Variants in TDRD5 observed in about 807,000 individuals in gnomAD.
The protein encoded by TDRD5 is tudor domain-containing protein 5.
Under a neutral mutation model 120.6 loss-of-function variants are expected in TDRD5, and 41 were observed. The observed-to-expected ratio is 0.34, with a 90% CI of 0.26 to 0.44. The LOEUF (loss-of-function observed/expected upper bound fraction) is 0.44. Ranked by LOEUF, TDRD5 falls within the 20% of genes least tolerant of loss-of-function variation. The probability of loss-of-function intolerance (pLI) is 1.00; values close to 1 mark genes in which losing one functional copy is unlikely to be tolerated. For synonymous variants in TDRD5, 430 were observed against 433.7 expected, an observed-to-expected ratio of 0.99 and a Z score of 0.11; for missense variants, 1,006 against 1,221.2, an observed-to-expected ratio of 0.82 and a Z score of 2.63.
rs1023405281 is a variant in TDRD5, at chr1:179,635,289, A to T, written c.1300-378A>T. Among the ~76,000 whole-genome samples, 3 of 152,314 alleles carry T rather than the reference A, an allele frequency of 2.0e-5. No individual in the cohort carries two copies. The South Asian group carries it at 6.2e-4, about 32-fold the overall frequency. On this transcript the variant is annotated intron_variant, in intron 8 of 17. Transcript: ENST00000444136. ...ACTAGTCTGAAATTTAACCTACTAA[A>T]GTTACCTTTGACTGCTGATATGAGT...
rs556430595 is a variant in TDRD5, at chr1:179,593,426, C to T, written c.233-34C>T. ...AGGATAAAGAAGGGAGTAAGTTTTC[C>T]TCCTAAATATGATTTCTATTTTTCA... On this transcript the variant is annotated intron_variant, in intron 2 of 17. Transcript: ENST00000444136. 4.2e-5 allele frequency: 66 copies of T among 1,589,112 alleles called. No individual in the cohort carries two copies. The South Asian group carries it at 6.9e-4, about 17-fold the overall frequency.
intron 7 of TDRD5, 84 bp from the exon 8 acceptor site, chr1:179,634,373 A>T (rs1459710397): frequency 7.1e-7 from 1 of 1,404,958 alleles, no homozygotes; most frequent in Admixed American, 2.3e-5. Flanking sequence ...TAATGGTTGT[A>T]TAGCTATTTT....
chr1:179,649,220 T>C (rs1026668275), intron 11 of TDRD5, among the ~76,000 whole-genome samples: 1 of 152,202 alleles, frequency 6.6e-6, no homozygotes, highest in Non-Finnish European at 1.5e-5. Flanking sequence ...TGCTACTTTA[T>C]GGTTCATCAG....
chr1:179,591,769 T>C (rs1675115328), upstream of TDRD5: 1 of 152,442 alleles, frequency 6.6e-6, no homozygotes, highest in African/African-American at 2.4e-5. Context: ...ACCTGCCACG[T>C]GCCCTCGGGG....
chr1:179,677,714 G>A (rs543442060), intron 17 of TDRD5, among the ~76,000 whole-genome samples: 4 of 152,178 alleles, frequency 2.6e-5, no homozygotes, highest in Non-Finnish European at 5.9e-5. Context: ...CCATCTTCAG[G>A]TCTTGCAGCC....
chr1:179,612,221 C>T (rs1425326698), intron 4 of TDRD5, among the ~76,000 whole-genome samples: 1 of 151,946 alleles, frequency 6.6e-6, no homozygotes, highest in Admixed American at 6.6e-5. Flanking sequence ...AAAGTTTTTC[C>T]TTTGTAAAAT....
At chr1:179,597,332 C>CTTTTTTTTTTT (rs945509784) in intron 4 of TDRD5, among the ~76,000 whole-genome samples, 7 of 125,568 alleles carry the variant, frequency 5.6e-5, no homozygotes, top group Admixed American at 1.8e-4. Context: ...TTCTTTTTTT[C>CTTTTTTTTTTT]TTTTTTTTTT....
At chr1:179,661,396 C>T (rs12092378) in intron 14 of TDRD5, among the ~76,000 whole-genome samples, 1 of 149,984 alleles carries the variant, frequency 6.7e-6, no homozygotes, top group Non-Finnish European at 1.5e-5. Context: ...TTGTTTTTTT[C>T]CCCCCAATCT....
At chr1:179,651,876 GCA>G (rs1028620814) in intron 12 of TDRD5, among the ~76,000 whole-genome samples, 161 bp from the exon 13 acceptor site, 2 of 152,186 alleles carry the variant, frequency 1.3e-5, no homozygotes, top group African/African-American at 4.8e-5. Flanking sequence ...TTGGACCACT[GCA>G]CTCCAGCCTG....
At chr1:179,636,074 C>T (rs1404370484) in intron 9 of TDRD5, among the ~76,000 whole-genome samples, 187 bp downstream of exon 9, 1 of 151,984 alleles carries the variant, frequency 6.6e-6, no homozygotes, top group Non-Finnish European at 1.5e-5. Flanking sequence ...ATATAAGTAA[C>T]ATTTTTATGA....
chr1:179,678,649 T>G (rs1313235605), intron 17 of TDRD5, among the ~76,000 whole-genome samples: 1 of 152,236 alleles, frequency 6.6e-6, no homozygotes, highest in African/African-American at 2.4e-5. Flanking sequence ...TTTGTTAAAT[T>G]TATCCCTAAG....
At chr1:179,666,856 A>T (rs1311787408) in intron 16 of TDRD5, among the ~76,000 whole-genome samples, 2 of 152,154 alleles carry the variant, frequency 1.3e-5, no homozygotes, top group Non-Finnish European at 2.9e-5. Flanking sequence ...ATTCTAGTGG[A>T]TGTGAAGTGA....
chr1:179,646,590 G>A (rs2102046125), intron 11 of TDRD5, among the ~76,000 whole-genome samples: 1 of 146,516 alleles, frequency 6.8e-6, no homozygotes, highest in East Asian at 2.0e-4. Flanking sequence ...CATAGTGTTG[G>A]AAGTTCCGGC....
chr1:179,689,267 T>TAACA (rs1417129868), intron 17 of TDRD5, among the ~76,000 whole-genome samples: 2 of 152,200 alleles, frequency 1.3e-5, no homozygotes, highest in East Asian at 1.9e-4. Context: ...GTTTTCCTTC[T>TAACA]AACAGTCAGG....
intron 9 of TDRD5, among the ~76,000 whole-genome samples, chr1:179,637,559 CAACATAGTGAGACCCTGTA>C (rs1558396771): frequency 1.6e-3 from 247 of 152,080 alleles, no homozygotes; most frequent in African/African-American, 5.7e-3. Flanking sequence ...TTCATCTGGG[CAACATAGTGAGACCCTGTA>C]TCTACAAAAG....
intron 4 of TDRD5, among the ~76,000 whole-genome samples, chr1:179,604,042 T>C (rs1675848010): frequency 6.6e-6 from 1 of 152,162 alleles, no homozygotes; most frequent in South Asian, 2.1e-4. Flanking sequence ...TAAATTACCA[T>C]TTCAATTTCA....
chr1:179,615,293 A>G, intron 4 of TDRD5, among the ~76,000 whole-genome samples: 1 of 152,270 alleles, frequency 6.6e-6, no homozygotes, highest in South Asian at 2.1e-4. Context: ...TATTTGTTGA[A>G]TGAGTAAGTG....
At chr1:179,689,757 C>A (rs954355234) in intron 17 of TDRD5, among the ~76,000 whole-genome samples, 2 of 152,188 alleles carry the variant, frequency 1.3e-5, no homozygotes, top group African/African-American at 4.8e-5. Flanking sequence ...CAATGGCGGG[C>A]ACCCCTCCCC....
At chr1:179,607,237 T>C (rs186175799) in intron 4 of TDRD5, among the ~76,000 whole-genome samples, 3 of 152,288 alleles carry the variant, frequency 2.0e-5, no homozygotes, top group East Asian at 3.9e-4. Context: ...CACTTATTAC[T>C]GGAATATAGG....
Sources: gnomAD v4.1 joint callset for allele counts (sites outside exome capture counted in the v4.1 genomes callset) on GRCh38, gnomAD v4.1.1 for gene constraint, MANE v1.5 for transcripts, NCBI Gene and HGNC (gene_info 2026-07-23, HGNC 2026-07-21) for gene names.